XIRP2: variants seen among roughly 807,000 people sequenced by gnomAD.
XIRP2 encodes xin actin-binding repeat-containing protein 2.
Under a neutral mutation model 277.0 loss-of-function variants are expected in XIRP2, and 236 were observed. That is an observed-to-expected ratio of 0.85 (90% CI 0.77 to 0.95). The LOEUF (loss-of-function observed/expected upper bound fraction) is 0.95, where lower values mean the gene tolerates loss of function less well. Among genes scored for constraint, XIRP2 ranks in the 40% least tolerant of loss-of-function variants. The pLI is 0.00. For missense variants in XIRP2, 4,640 were observed against 4,157.5 expected (o/e 1.12, Z -3.19); for synonymous variants, 1,490 against 1,416.5 (o/e 1.05, Z -1.17).
At position 167,244,150 on chromosome 2, in the gene XIRP2, C is replaced by A. The variant is rs202171099; in HGVS notation, c.2758C>A (p.Pro920Thr). The change falls in exon 9 of 11, where the codon CCT becomes ACT. Residue 920 changes from proline to threonine, a missense_variant. By Grantham distance (38) the Pro-to-Thr change is conservative. Coordinates refer to ENST00000409195, the MANE Select transcript of XIRP2 (RefSeq NM_152381.6). ...RHQKWIFETQ[P>T]LEDIRKDKKE... ...TCAAAAATGGATTTTTGAAACCCAA[C>A]CTCTGGAAGACATTAGAAAAGATAA... 222 of 1,613,798 alleles carry A rather than the reference C, an allele frequency of 1.4e-4. No individual in the cohort carries two copies. Among genetic ancestry groups the A allele is most frequent in the Non-Finnish European group, 1.8e-4 (212 of 1,179,912 alleles).
rs767948555 is a variant in XIRP2 at position 167,246,472 on chromosome 2, C to T, written c.5080C>T (p.Leu1694Phe). The change falls in exon 9 of 11, where the codon CTT becomes TTT. Residue 1694 changes from leucine to phenylalanine, a missense_variant. Physicochemically the swap from Leu to Phe is conservative, Grantham distance 22. Coordinates refer to ENST00000409195, the MANE Select transcript of XIRP2 (RefSeq NM_152381.6). ...AGATATTAACATGACTATCTATTGT[C>T]TTCTTCATGAAAATGATGGTGACAC... ...KGDINMTIYCLLHENDGDTIE... is the reference protein window; with the variant it reads ...KGDINMTIYCFLHENDGDTIE... 8.7e-6 allele frequency: 14 copies of T among 1,613,710 alleles called. No individual in the cohort carries two copies. The highest frequency in any genetic ancestry group is 1.2e-5 in the Non-Finnish European group (14 of 1,179,802).
In XIRP2 at chr2:167,248,780, A is replaced by G. The variant is rs368010805; in HGVS notation, c.7388A>G (p.Gln2463Arg). Residue 2463 changes from glutamine to arginine, a missense_variant, in exon 9 of 11, where the codon CAG becomes CGG. By Grantham distance (43) the Gln-to-Arg change is conservative. Transcript: ENST00000409195. The stretch of plus-strand genomic sequence containing the variant: ...TGTAAAATTACTACCTCAAAGGATC[A>G]GAAAAAAGTAATGGTGATGACCAGC... Reference protein sequence around the residue: ...MECKITTSKDQKKVMVMTSSE... With the variant: ...MECKITTSKDRKKVMVMTSSE... The G allele has an allele frequency of 4.2e-5, 68 of 1,613,758 alleles. 1 individual carries two copies. In the Middle Eastern group the frequency reaches 8.3e-4, roughly 20 times the overall value.
intron 5 of XIRP2, among the ~76,000 whole-genome samples, chr2:167,228,415 A>T (rs1330221380): frequency 1.3e-5 from 2 of 152,208 alleles, no homozygotes; most frequent in East Asian, 3.9e-4. Flanking sequence ...TTCCAGTACA[A>T]CATCATAAAA....
intron 2 of XIRP2, among the ~76,000 whole-genome samples, chr2:167,011,446 T>C (rs994048765): frequency 1.3e-5 from 2 of 151,052 alleles, no homozygotes; most frequent in African/African-American, 2.4e-5. Flanking sequence ...TGGATAAGGT[T>C]TTTGATGTGC....
intron 2 of XIRP2, among the ~76,000 whole-genome samples, chr2:166,925,790 G>A (rs539098991): frequency 1.1e-4 from 16 of 151,772 alleles, no homozygotes; most frequent in East Asian, 9.7e-4. Flanking sequence ...TTGGCAGAGT[G>A]TGGTGGCTTA....
At chr2:167,083,989 T>C (rs1316891249) in intron 2 of XIRP2, among the ~76,000 whole-genome samples, 11 of 150,720 alleles carry the variant, frequency 7.3e-5, no homozygotes, top group East Asian at 5.9e-4. Flanking sequence ...TGAATAGGAG[T>C]GGTGAGAGAG....
At chr2:166,923,576 G>T (rs921087511) in intron 2 of XIRP2, among the ~76,000 whole-genome samples, 3 of 151,974 alleles carry the variant, frequency 2.0e-5, no homozygotes, top group Non-Finnish European at 4.4e-5. Flanking sequence ...GAAGTAGAAA[G>T]ATAAGAATCT....
intron 2 of XIRP2, among the ~76,000 whole-genome samples, chr2:167,047,369 C>T (rs373369604): frequency 6.6e-6 from 1 of 151,156 alleles, no homozygotes; most frequent in African/African-American, 2.4e-5. Flanking sequence ...GTAGCTTCAC[C>T]GAGATAACAT....
chr2:167,132,075 T>C (rs769825879), intron 2 of XIRP2, among the ~76,000 whole-genome samples: 3 of 152,134 alleles, frequency 2.0e-5, no homozygotes, highest in Admixed American at 6.6e-5. Flanking sequence ...CTTTGAAAGT[T>C]GTATCTCCTA....
chr2:167,185,403 T>C (rs1340128776), intron 3 of XIRP2, among the ~76,000 whole-genome samples: 1 of 152,058 alleles, frequency 6.6e-6, no homozygotes, highest in East Asian at 1.9e-4. Context: ...AAAAATAATA[T>C]TTAATGTATA....
At chr2:167,085,749 G>A (rs1170441339) in intron 2 of XIRP2, among the ~76,000 whole-genome samples, 1 of 151,838 alleles carries the variant, frequency 6.6e-6, no homozygotes, top group Non-Finnish European at 1.5e-5. Flanking sequence ...TGTTTTATCA[G>A]AGACTAGGAT....
At chr2:167,161,979 G>C (rs985795412) in intron 3 of XIRP2, among the ~76,000 whole-genome samples, 2 of 152,038 alleles carry the variant, frequency 1.3e-5, no homozygotes, top group Non-Finnish European at 2.9e-5. Flanking sequence ...TCTCTCTCAA[G>C]TTCAAAGTTC....
At position 167,244,579 on chromosome 2, in the gene XIRP2, C is replaced by G; in HGVS notation, c.3187C>G (p.Pro1063Ala). The change falls in exon 9 of 11, where the codon CCT (proline) becomes GCT (alanine). Residue 1063 changes from proline (P) to alanine (A), a missense_variant. Physicochemically the swap from Pro to Ala is conservative, Grantham distance 27. Coordinates refer to ENST00000409195, the MANE Select transcript of XIRP2 (RefSeq NM_152381.6). ...TGCCAAATGGTTGTTTGAAACCCAA[C>G]CTCTTGATTCAATTAAATATTTTAG... ...KSAKWLFETQ[P>A]LDSIKYFSDV... The G allele has an allele frequency of 6.2e-7, 1 of 1,612,380 alleles. No individual in the cohort carries two copies. The highest frequency in any genetic ancestry group is 8.5e-7 in the Non-Finnish European group (1 of 1,179,388).
chr2:166,913,825 A>G (rs186604553), intron 2 of XIRP2, among the ~76,000 whole-genome samples: 2 of 152,358 alleles, frequency 1.3e-5, no homozygotes, highest in African/African-American at 2.4e-5. Context: ...CATTTAATGT[A>G]TCATGAATTA....
Position 167,029,846 on chromosome 2 carries a change from TG to T in XIRP2, c.409-106061del, listed in dbSNP as rs1688286093. ...AATCTGTCTGGTCCTGGGCATTTTTTGGTTGGTAGGCTATTAATTACTGCCT... is the reference window on the plus strand; with the variant it reads ...AATCTGTCTGGTCCTGGGCATTTTTTGTTGGTAGGCTATTAATTACTGCCT... On this transcript the variant is annotated intron_variant, in intron 2 of 10. Transcript: ENST00000409195. Among the ~76,000 whole-genome samples the T allele has an allele frequency of 2.6e-5, 4 of 152,174 alleles. No individual in the cohort carries two copies. In the South Asian group the frequency reaches 6.2e-4, roughly 24 times the overall value.
intron 2 of XIRP2, among the ~76,000 whole-genome samples, chr2:166,965,144 G>T (rs183971620): frequency 2.0e-5 from 3 of 151,930 alleles, no homozygotes; most frequent in Admixed American, 2.0e-4. Flanking sequence ...TTAGTCATGT[G>T]GCCCAATAAT....
At chr2:166,927,986 C>G (rs1685234555) in intron 2 of XIRP2, among the ~76,000 whole-genome samples, 1 of 152,090 alleles carries the variant, frequency 6.6e-6, no homozygotes, top group South Asian at 2.1e-4. Flanking sequence ...TATCCAGCTT[C>G]TAACATTCAA....
In XIRP2 at chr2:167,218,189, C is replaced by A. The variant is rs778378248; in HGVS notation, c.747C>A (p.Cys249Ter). ...SANMMEESEM[C>*]AVPGGLAKVK... ...AGATGATGGAAGAATCAGAAATGTG[C>A]GCAGTGCCTGGTGGTTTGGCCAAGG... Residue 249 changes from cysteine (C) to a stop codon, truncating the protein, a stop_gained, in exon 5 of 11, where the codon TGC becomes TGA. Transcript: ENST00000409195. LOFTEE classifies it high-confidence loss of function. 5 of 1,598,830 alleles carry A rather than the reference C, an allele frequency of 3.1e-6. No homozygotes were observed. In the South Asian group the frequency reaches 4.5e-5, roughly 15 times the overall value.
At chr2:167,118,481 CGATAA>C (rs1558986183) in intron 2 of XIRP2, among the ~76,000 whole-genome samples, 1 of 40,558 alleles carries the variant, frequency 2.5e-5, no homozygotes, top group Non-Finnish European at 4.8e-5. Context: ...GACTCTGTCT[CGATAA>C]AATAAAATAA....
Sources: gnomAD v4.1 joint callset for allele counts (sites outside exome capture counted in the v4.1 genomes callset) on GRCh38, gnomAD v4.1.1 for gene constraint, MANE v1.5 for transcripts, NCBI Gene and HGNC (gene_info 2026-07-23, HGNC 2026-07-21) for gene names.